Variants in PDK1 observed in about 807,000 individuals in gnomAD.
PDK1 encodes the protein [Pyruvate dehydrogenase (acetyl-transferring)] kinase isozyme 1, mitochondrial.
A neutral mutation model predicts 54.2 loss-of-function variants in PDK1; 39 were observed. That is an observed-to-expected ratio of 0.72 (90% CI 0.56 to 0.94). The LOEUF (loss-of-function observed/expected upper bound fraction) is 0.94. PDK1 is among the 40% of genes least tolerant of loss of function. The pLI, the probability that PDK1 is intolerant of heterozygous loss-of-function variation, is 0.00. For missense variants in PDK1, 552 were observed against 566.0 expected, an observed-to-expected ratio of 0.98 and a Z score of 0.25; for synonymous variants, 221 against 207.1, an observed-to-expected ratio of 1.07 and a Z score of -0.58.
rs1175087926 is a variant in PDK1, at chr2:172,583,281, GTTTTTTTTTTTTTTT to G, written c.946-2980_946-2966del. Among the ~76,000 whole-genome samples the G allele has an allele frequency of 2.1e-4, 16 of 77,076 alleles. No homozygotes were observed. In the South Asian group the frequency reaches 2.1e-3, roughly 10 times the overall value. 50.6% of individuals were successfully genotyped at this position (77,076 alleles called of 152,430 possible). A position where few individuals can be genotyped will look rare whatever the true frequency, so the allele number is the denominator to read the frequency against. On this transcript the variant is annotated intron_variant, in intron 8 of 10. Transcript: ENST00000282077. ...CATAATGCTGCATAAAAGTTTTCTG[GTTTTTTTTTTTTTTT>G]TTTTTTTTTTTTTTTTACTGAGCAG...
the PDK1 span, among the ~76,000 whole-genome samples, chr2:172,669,185 A>C: frequency 1.3e-5 from 2 of 148,542 alleles, no homozygotes; most frequent in Admixed American, 6.9e-5. Context: ...TCAGCCTCCC[A>C]AGTAGCTGGG....
intron 10 of PDK1, among the ~76,000 whole-genome samples, chr2:172,595,461 G>A (rs2149301940): frequency 6.6e-6 from 1 of 152,216 alleles, no homozygotes; most frequent in East Asian, 1.9e-4. Flanking sequence ...TTAAATTTAT[G>A]TGCATCTATT....
At chr2:172,659,699 G>T in the PDK1 span, among the ~76,000 whole-genome samples, 3 of 152,158 alleles carry the variant, frequency 2.0e-5, no homozygotes, top group Non-Finnish European at 2.9e-5. Flanking sequence ...GAAAAGAGAT[G>T]ACCTCAACAT....
chr2:172,666,829 T>C, the PDK1 span, among the ~76,000 whole-genome samples: 1 of 152,128 alleles, frequency 6.6e-6, no homozygotes, highest in African/African-American at 2.4e-5. Flanking sequence ...ACAAGAGAGC[T>C]GAACATACTG....
At chr2:172,702,241 C>G in the PDK1 span, among the ~76,000 whole-genome samples, 9 of 152,116 alleles carry the variant, frequency 5.9e-5, no homozygotes, top group Non-Finnish European at 1.2e-4. Context: ...CTTTGGGAGG[C>G]CGAAGCGGGC....
intron 5 of PDK1, among the ~76,000 whole-genome samples, 161 bp from the exon 6 acceptor site, chr2:172,566,693 CAA>C (rs764324321): frequency 1.2e-4 from 7 of 59,570 alleles, no homozygotes; most frequent in Admixed American, 1.9e-4. Flanking sequence ...ATGTCTCTAC[CAA>C]AAAAAAAAAA....
At chr2:172,558,618 G>T (rs1184603592) in intron 1 of PDK1, 90 bp from the exon 2 acceptor site, 9 of 1,193,066 alleles carry the variant, frequency 7.5e-6, no homozygotes, top group South Asian at 3.2e-5. Flanking sequence ...TGGCCTTGCC[G>T]GATAACTTCC....
At chr2:172,620,682 T>C in the PDK1 span, among the ~76,000 whole-genome samples, 1 of 152,154 alleles carries the variant, frequency 6.6e-6, no homozygotes, top group East Asian at 1.9e-4. Context: ...TGGTGCTGTC[T>C]TCATGATAGT....
At chr2:172,665,881 C>T in the PDK1 span, among the ~76,000 whole-genome samples, 1 of 152,122 alleles carries the variant, frequency 6.6e-6, no homozygotes, top group Non-Finnish European at 1.5e-5. Flanking sequence ...CTATTCCTTC[C>T]CTCATTTTTC....
chr2:172,635,136 T>C, the PDK1 span, among the ~76,000 whole-genome samples: 1 of 152,350 alleles, frequency 6.6e-6, no homozygotes, highest in African/African-American at 2.4e-5. Context: ...TGAACACTTA[T>C]ACCCTATATA....
chr2:172,684,795 C>T, the PDK1 span, among the ~76,000 whole-genome samples: 1 of 152,276 alleles, frequency 6.6e-6, no homozygotes, highest in African/African-American at 2.4e-5. Context: ...CGATTTTGGC[C>T]TCCTAAATAT....
In PDK1 at chr2:172,597,097, T is replaced by TTTTTTTC. The variant is rs1220558892; in HGVS notation, c.*1142_*1148dup. The TTTTTTTC allele has an allele frequency of 3.3e-5, 5 of 151,938 alleles. No individual in the cohort carries two copies. The highest frequency in any genetic ancestry group is 7.4e-5 in the Non-Finnish European group (5 of 68,000). The allele number at this position is 151,938 out of a possible 1,614,324, so 9.4% of individuals were successfully genotyped here. On this transcript the variant is annotated 3_prime_UTR_variant, in exon 11 of 11. Coordinates refer to ENST00000282077, the MANE Select transcript of PDK1 (RefSeq NM_002610.5). ...CATCAGAGCCATCATTGCACGTGTC[T>TTTTTTTC]TTTTTTCTTTTTTCTTTTTTTTTTT...
chr2:172,591,955 T>C (rs1466388668), intron 9 of PDK1, among the ~76,000 whole-genome samples: 2 of 152,238 alleles, frequency 1.3e-5, no homozygotes, highest in East Asian at 3.8e-4. Flanking sequence ...CTACAATAGT[T>C]TCCTTATTAC....
At position 172,564,626 on chromosome 2, in the gene PDK1, G is replaced by C; in HGVS notation, c.534G>C (p.Gln178His). ...ATCCTGTCACCAGCCAGAATGTTCA[G>C]TACTTTTTGGATCGATTCTACATGA... is the stretch of plus-strand genomic sequence containing the variant. Reference protein sequence around the residue: ...GVDPVTSQNVQYFLDRFYMSR... With the variant: ...GVDPVTSQNVHYFLDRFYMSR... The change falls in exon 4 of 11, where the codon CAG becomes CAC. Residue 178 changes from glutamine (Q) to histidine (H), a missense_variant. By Grantham distance (24) the Gln-to-His change is conservative. Transcript: ENST00000282077. 6.2e-7 allele frequency: 1 copy of C among 1,614,148 alleles called. No individual in the cohort carries two copies. Among genetic ancestry groups the C allele is most frequent in the Non-Finnish European group, 8.5e-7 (1 of 1,180,018 alleles).
chr2:172,677,156 A>G, the PDK1 span: 1 of 152,222 alleles, frequency 6.6e-6, no homozygotes, highest in Admixed American at 6.5e-5. Context: ...TGCAGTATTC[A>G]TTTTATTGAA....
At chr2:172,689,232 C>A in the PDK1 span, among the ~76,000 whole-genome samples, 1 of 152,098 alleles carries the variant, frequency 6.6e-6, no homozygotes, top group East Asian at 1.9e-4. Flanking sequence ...TACAGAGCAC[C>A]GATTGGTGCA....
At chr2:172,672,986 C>A in the PDK1 span, among the ~76,000 whole-genome samples, 1 of 152,114 alleles carries the variant, frequency 6.6e-6, no homozygotes, top group African/African-American at 2.4e-5. Flanking sequence ...AGAAATAATT[C>A]AACTGAGGGG....
chr2:172,622,095 T>C, the PDK1 span, among the ~76,000 whole-genome samples: 1 of 140,058 alleles, frequency 7.1e-6, no homozygotes, highest in East Asian at 2.0e-4. Context: ...GATATGTTTA[T>C]ATCTCATATA....
chr2:172,672,140 GT>G, the PDK1 span, among the ~76,000 whole-genome samples: 2 of 152,172 alleles, frequency 1.3e-5, no homozygotes, highest in African/African-American at 4.8e-5. Flanking sequence ...GAAGACAAAT[GT>G]AGATCCTTCC....
Sources: allele counts gnomAD v4.1 joint callset (sites outside exome capture counted in the v4.1 genomes callset), GRCh38; gene constraint gnomAD v4.1.1; transcripts MANE v1.5; gene names NCBI Gene and HGNC (gene_info 2026-07-23, HGNC 2026-07-21).